ZNF585A: variants seen among roughly 807,000 people sequenced by gnomAD.
ZNF585A encodes zinc finger protein 585A.
A neutral mutation model predicts 14.9 loss-of-function variants in ZNF585A; 9 were observed. That is an observed-to-expected ratio of 0.60 (90% CI 0.36 to 1.05). The LOEUF (loss-of-function observed/expected upper bound fraction) is 1.05, where lower values mean the gene tolerates loss of function less well. Ranked by LOEUF, ZNF585A falls within the 50% of genes least tolerant of loss-of-function variation. The probability of loss-of-function intolerance (pLI) is 0.01; values close to 1 mark genes in which losing one functional copy is unlikely to be tolerated. For missense variants in ZNF585A, 726 were observed against 926.4 expected, an observed-to-expected ratio of 0.78 and a Z score of 2.81; for synonymous variants, 276 against 319.9, an observed-to-expected ratio of 0.86 and a Z score of 1.46.
At chr19:37,160,478 TAGAG>T (rs934871399) in intron 2 of ZNF585A, among the ~76,000 whole-genome samples, 3 of 149,758 alleles carry the variant, frequency 2.0e-5, no homozygotes, top group Admixed American at 6.6e-5. Flanking sequence ...AAACAAAAGA[TAGAG>T]AGAAAAATCA....
rs1466701810 is a variant in ZNF585A at position 37,147,686 on chromosome 19, GAC to G, written c.*3901_*3902del. 1.3e-5 allele frequency: 2 copies of G among 151,960 alleles called. No individual in the cohort carries two copies. The highest frequency in any genetic ancestry group is 2.9e-5 in the Non-Finnish European group (2 of 67,986). 9.4% of individuals were successfully genotyped at this position (151,960 alleles called of 1,614,324 possible). Reference sequence around the variant, plus strand: ...ACAATATGCTATATAACATACTGTAGACACAATTTTCTATAGTATGTAATGAC... The same window carrying G: ...ACAATATGCTATATAACATACTGTAGACAATTTTCTATAGTATGTAATGAC... On this transcript the variant is annotated 3_prime_UTR_variant, in exon 5 of 5. Transcript: ENST00000292841.
At chr19:37,166,516 G>A (rs1214922437) in intron 2 of ZNF585A, among the ~76,000 whole-genome samples, 2 of 149,062 alleles carry the variant, frequency 1.3e-5, no homozygotes, top group African/African-American at 2.5e-5. Context: ...GTTCCACCAC[G>A]TTGGCCAGGA....
Position 37,156,235 on chromosome 19 carries a change from A to T in ZNF585A, c.193T>A (p.Ser65Thr). ...VMLETYSHLL[S>T]VGYQVPEAEV... ...CCAAGGTGACTGTGCTTACCTACTG[A>T]GAGCAGGTGGCTGTAGGTCTCCAGC... The change falls in exon 3 of 5, where the codon TCA becomes ACA. Residue 65 changes from serine (S) to threonine (T), a missense_variant. This residue lies in a region of ZNF585A where 483 missense variants were observed against 542.8 expected (regional missense o/e 0.89). Transcript: ENST00000292841. 1 of 1,614,058 alleles carries T rather than the reference A, an allele frequency of 6.2e-7. No individual in the cohort carries two copies. Among genetic ancestry groups the T allele is most frequent in the South Asian group, 1.1e-5 (1 of 91,066 alleles).
Position 37,151,929 on chromosome 19 carries a change from G to A in ZNF585A, c.1970C>T (p.Thr657Ile), listed in dbSNP as rs1344409782. 1 of 1,613,418 alleles carries A rather than the reference G, an allele frequency of 6.2e-7. No individual in the cohort carries two copies. Residue 657 changes from threonine (T) to isoleucine (I), a missense_variant, in exon 5 of 5, where the codon ACC becomes ATC. Thr to Ile is a moderately conservative substitution (Grantham distance 89). Transcript: ENST00000292841. ...AGAACAAATGTAGGGCTTTTCTCCGGTATGAGTTTTCTGGTGCTTACTGAG... is the reference window on the plus strand; with the variant it reads ...AGAACAAATGTAGGGCTTTTCTCCGATATGAGTTTTCTGGTGCTTACTGAG... ...SNLSKHQKTHTGEKPYICSEC... is the reference protein window; with the variant it reads ...SNLSKHQKTHIGEKPYICSEC...
At position 37,149,025 on chromosome 19, in the gene ZNF585A, T is replaced by C. The variant is rs1971781706; in HGVS notation, c.*2564A>G. On this transcript the variant is annotated 3_prime_UTR_variant, in exon 5 of 5. Transcript: ENST00000292841. ...GGATGACAGGCAGAACACAGAGGATTTTTAGGGCAGTGAAACTACTCTGTG... is the reference window on the plus strand; with the variant it reads ...GGATGACAGGCAGAACACAGAGGATCTTTAGGGCAGTGAAACTACTCTGTG... The C allele has an allele frequency of 1.3e-5, 2 of 152,096 alleles. No individual in the cohort carries two copies. The highest frequency in any genetic ancestry group is 2.1e-4 in the South Asian group (1 of 4,828). 9.4% of individuals were successfully genotyped at this position (152,096 alleles called of 1,614,324 possible).
At chr19:37,158,790 TG>T (rs1971968880) in intron 2 of ZNF585A, among the ~76,000 whole-genome samples, 1 of 152,214 alleles carries the variant, frequency 6.6e-6, no homozygotes, top group Non-Finnish European at 1.5e-5. Context: ...ACTGTTATTT[TG>T]TTGTGTGACA....
In ZNF585A at chr19:37,152,003, T is replaced by C; in HGVS notation, c.1896A>G (p.Lys632=). 6.2e-7 allele frequency: 1 copy of C among 1,613,284 alleles called. No homozygotes were observed. Among genetic ancestry groups the C allele is most frequent in the Non-Finnish European group, 8.5e-7 (1 of 1,179,788 alleles). The change falls in exon 5 of 5, where the codon AAA becomes AAG. Residue 632 remains lysine (K), a synonymous_variant. Coordinates refer to ENST00000292841, the MANE Select transcript of ZNF585A (RefSeq NM_001288800.2). ...LVHQPVHTGE[K]PYVCAECGKA... ...TCCCGCACTCGGCACACACATAGGG[T>C]TTCTCTCCTGTGTGAACTGGCTGAT... is the stretch of plus-strand genomic sequence containing the variant.
At chr19:37,156,503 G>GA (rs1332478857) in intron 2 of ZNF585A, 148 bp from the exon 3 acceptor site, 2 of 1,141,230 alleles carry the variant, frequency 1.8e-6, no homozygotes, top group Non-Finnish European at 2.4e-6. Flanking sequence ...ACTTTATTAT[G>GA]AAAATTTTCA....
chr19:37,169,050 T>C (rs1233727943), intron 2 of ZNF585A, among the ~76,000 whole-genome samples: 1 of 152,184 alleles, frequency 6.6e-6, no homozygotes, highest in Non-Finnish European at 1.5e-5. Flanking sequence ...TGTGTTGCCT[T>C]TAAATGCATT....
Position 37,147,980 on chromosome 19 carries a change from T to A in ZNF585A, c.*3609A>T, listed in dbSNP as rs533019144. On this transcript the variant is annotated 3_prime_UTR_variant, in exon 5 of 5. Coordinates refer to ENST00000292841, the MANE Select transcript of ZNF585A (RefSeq NM_001288800.2). Reference sequence around the variant, plus strand: ...GGCAATTATACAATTGCTGTGAACATCTGAGTATAGGTTTTCATGTAAACA... The same window carrying A: ...GGCAATTATACAATTGCTGTGAACAACTGAGTATAGGTTTTCATGTAAACA... 3.9e-5 allele frequency: 6 copies of A among 152,334 alleles called. No individual in the cohort carries two copies. The highest frequency in any genetic ancestry group is 1.4e-4 in the African/African-American group (6 of 41,574). 9.4% of individuals were successfully genotyped at this position (152,334 alleles called of 1,614,324 possible). A position where few individuals can be genotyped will look rare whatever the true frequency, so the allele number is the denominator to read the frequency against.
At chr19:37,154,794 T>TAAA (rs532561001) in intron 4 of ZNF585A, among the ~76,000 whole-genome samples, 160 of 105,638 alleles carry the variant, frequency 1.5e-3, no homozygotes, top group African/African-American at 4.2e-3. Flanking sequence ...CATCTCACAG[T>TAAA]AAAAAAAAAA....
chr19:37,165,486 A>T (rs1972076927), intron 2 of ZNF585A: 1 of 188,332 alleles, frequency 5.3e-6, no homozygotes, highest in South Asian at 1.8e-4. Context: ...ATATATATAT[A>T]CCATTTTTAT....
rs779704930 is a variant in ZNF585A, at chr19:37,169,858, T to A, written c.53A>T (p.Asp18Val). Reference protein sequence around the residue: ...PQKSSALAPEDHGSSYEGSVS... With the variant: ...PQKSSALAPEVHGSSYEGSVS... ...TCTCACCTCATAGGAGCTGCCATGA[T>A]CCTCTGGAGCCAGGGCTGAGGATTT... Residue 18 changes from aspartate (D) to valine (V), a missense_variant, in exon 2 of 5, where the codon GAT (aspartate) becomes GTT (valine). By Grantham distance (152) the Asp-to-Val change is radical. Transcript: ENST00000292841. 6.2e-7 allele frequency: 1 copy of A among 1,613,164 alleles called. No individual in the cohort carries two copies. Among genetic ancestry groups the A allele is most frequent in the Non-Finnish European group, 8.5e-7 (1 of 1,180,012 alleles).
intron 2 of ZNF585A, among the ~76,000 whole-genome samples, chr19:37,160,389 A>G (rs908947718): frequency 4.7e-5 from 7 of 150,022 alleles, no homozygotes; most frequent in African/African-American, 1.5e-4. Flanking sequence ...TAAATAAATA[A>G]CTAGAAAAAG....
intron 2 of ZNF585A, among the ~76,000 whole-genome samples, chr19:37,161,052 G>A (rs905678962): frequency 6.6e-6 from 1 of 151,788 alleles, no homozygotes; most frequent in Non-Finnish European, 1.5e-5. Flanking sequence ...GAATTCTATC[G>A]AACTTACAAA....
Position 37,148,567 on chromosome 19 carries a change from T to C in ZNF585A, c.*3022A>G, listed in dbSNP as rs1971775753. ...GAAGTGAGGGGCCTGTTCTTCATCT[T>C]GATTGTGGTGTTGATTGCATGATTA... On this transcript the variant is annotated 3_prime_UTR_variant, in exon 5 of 5. Transcript: ENST00000292841. 1 of 152,192 alleles carries C rather than the reference T, an allele frequency of 6.6e-6. No homozygotes were observed. Among genetic ancestry groups the C allele is most frequent in the South Asian group, 2.1e-4 (1 of 4,836 alleles). The allele number at this position is 152,192 out of a possible 1,614,324, so 9.4% of individuals were successfully genotyped here. A position where few individuals can be genotyped will look rare whatever the true frequency, so the allele number is the denominator to read the frequency against.
At chr19:37,157,494 G>A (rs1971949598) in intron 2 of ZNF585A, among the ~76,000 whole-genome samples, 1 of 152,194 alleles carries the variant, frequency 6.6e-6, no homozygotes, top group South Asian at 2.1e-4. Flanking sequence ...AAAAGTAGAT[G>A]CCTTATGGTG....
At chr19:37,159,321 G>A (rs1157308346) in intron 2 of ZNF585A, among the ~76,000 whole-genome samples, 1 of 150,710 alleles carries the variant, frequency 6.6e-6, no homozygotes, top group African/African-American at 2.4e-5. Context: ...TCGGTGAAAG[G>A]GATCTTTATA....
intron 4 of ZNF585A, among the ~76,000 whole-genome samples, chr19:37,155,031 C>T (rs1433332236): frequency 2.1e-5 from 3 of 140,750 alleles, no homozygotes; most frequent in African/African-American, 5.3e-5. Context: ...GACGGAGTCT[C>T]GCTCTGTCGC....
Sources: allele counts gnomAD v4.1 joint callset (sites outside exome capture counted in the v4.1 genomes callset), GRCh38; gene constraint gnomAD v4.1.1; regional missense constraint gnomAD v4.1.1; transcripts MANE v1.5; gene names NCBI Gene and HGNC (gene_info 2026-07-23, HGNC 2026-07-21).